Variants in FARP1 observed in about 807,000 individuals in gnomAD.
FARP1 encodes FERM, ARH/RhoGEF and pleckstrin domain protein 1.
In FARP1, 52 loss-of-function variants were observed where a neutral mutation model predicts 128.8. That is an observed-to-expected ratio of 0.40 (90% confidence interval 0.32 to 0.51). The LOEUF is 0.51. Ranked by LOEUF, FARP1 falls within the 20% of genes least tolerant of loss-of-function variation. FARP1 has a pLI of 0.45. For synonymous variants in FARP1, 580 were observed against 551.8 expected, an observed-to-expected ratio of 1.05 and a Z score of -0.72; for missense variants, 1,333 against 1,367.9, an observed-to-expected ratio of 0.97 and a Z score of 0.40.
chr13:98,314,652 G>A (rs1725400475), intron 2 of FARP1, among the ~76,000 whole-genome samples: 1 of 152,144 alleles, frequency 6.6e-6, no homozygotes, highest in African/African-American at 2.4e-5. Flanking sequence ...GTTTGTGGTG[G>A]AATCCTGGGT....
intron 2 of FARP1, among the ~76,000 whole-genome samples, chr13:98,255,560 G>A (rs570647739): frequency 2.0e-5 from 3 of 152,038 alleles, no homozygotes; most frequent in Non-Finnish European, 4.4e-5. Context: ...GTGTTTTGCC[G>A]ATACCTTAAA....
chr13:98,371,013 G>A (rs746155850), intron 5 of FARP1, among the ~76,000 whole-genome samples: 2 of 152,088 alleles, frequency 1.3e-5, no homozygotes, highest in Non-Finnish European at 2.9e-5. Context: ...TTCTCAGGCT[G>A]GTTTTCCTGT....
intron 3 of FARP1, among the ~76,000 whole-genome samples, chr13:98,358,156 T>A (rs1341127534): frequency 2.6e-5 from 4 of 151,752 alleles, no homozygotes; most frequent in Admixed American, 1.3e-4. Flanking sequence ...TTTTTGGGTA[T>A]CTCTCTACTC....
chr13:98,244,672 C>G lies in FARP1; in HGVS notation c.171+31259C>G, dbSNP rs142889072. 6.2e-4 allele frequency: 1,004 copies of G among 1,614,084 alleles called. 8 individuals are homozygous for G. In the African/African-American group the frequency reaches 0.012, roughly 20 times the overall value. On this transcript the variant is annotated intron_variant, in intron 2 of 26. Coordinates refer to ENST00000319562, the MANE Select transcript of FARP1 (RefSeq NM_005766.4). ...AACTGGGCTGGAAGTAGAAGCTTAG[C>G]GGTCACAGTCACTGAAGAGCTTCTT...
intron 17 of FARP1, among the ~76,000 whole-genome samples, chr13:98,425,227 A>G (rs1594521296): frequency 6.6e-6 from 1 of 152,156 alleles, no homozygotes; most frequent in South Asian, 2.1e-4. Flanking sequence ...GATGTGGACA[A>G]ACACTGTCTG....
chr13:98,263,912 C>A lies in FARP1; in HGVS notation c.171+50499C>A, dbSNP rs564312436. On this transcript the variant is annotated intron_variant, in intron 2 of 26. Coordinates refer to ENST00000319562, the MANE Select transcript of FARP1 (RefSeq NM_005766.4). ...TCCAGCTAGTTTGGAAATACAATGA[C>A]TTGTTATAACCGTTGGAGCATCCTT... 2.0e-5 allele frequency among the ~76,000 whole-genome samples: 3 copies of A among 152,284 alleles called. No individual in the cohort carries two copies. In the South Asian group the frequency reaches 6.2e-4, roughly 32 times the overall value.
intron 16 of FARP1, among the ~76,000 whole-genome samples, chr13:98,424,209 T>C (rs1891694522): frequency 6.6e-6 from 1 of 152,208 alleles, no homozygotes; most frequent in South Asian, 2.1e-4. Flanking sequence ...AAGCTACTTA[T>C]TGCAAATGAT....
intron 2 of FARP1, among the ~76,000 whole-genome samples, chr13:98,335,202 T>G (rs1234595003): frequency 1.3e-5 from 2 of 152,206 alleles, no homozygotes; most frequent in Admixed American, 6.5e-5. Context: ...TTGTACATCA[T>G]CGACGGAAGT....
At chr13:98,240,794 C>T (rs1292812599) in intron 2 of FARP1, among the ~76,000 whole-genome samples, 1 of 152,170 alleles carries the variant, frequency 6.6e-6, no homozygotes, top group African/African-American at 2.4e-5. Context: ...GCGTTTTCAT[C>T]GTGAACATCT....
At chr13:98,341,282 G>C (rs575012539) in intron 2 of FARP1, among the ~76,000 whole-genome samples, 11 of 152,112 alleles carry the variant, frequency 7.2e-5, no homozygotes, top group African/African-American at 2.7e-4. Flanking sequence ...CAGTCTCCAG[G>C]GTTACTAATT....
chr13:98,238,932 T>C (rs1594308564), intron 2 of FARP1, among the ~76,000 whole-genome samples: 1 of 152,200 alleles, frequency 6.6e-6, no homozygotes, highest in East Asian at 1.9e-4. Flanking sequence ...GGGCCAGCTG[T>C]ACTTGAGGTA....
intron 1 of FARP1, among the ~76,000 whole-genome samples, chr13:98,167,542 T>C (rs555314085): frequency 1.3e-5 from 2 of 151,846 alleles, no homozygotes; most frequent in South Asian, 4.2e-4. Context: ...CCCTTGTAGC[T>C]GAGATTATAG....
chr13:98,248,583 G>A (rs957396071), intron 2 of FARP1, among the ~76,000 whole-genome samples: 8 of 152,108 alleles, frequency 5.3e-5, no homozygotes, highest in African/African-American at 9.7e-5. Context: ...CATGGATTCC[G>A]TATTTGTGAA....
In FARP1 at chr13:98,455,037, T is replaced by C. The variant is rs540720640; in HGVS notation, c.*6720T>C. 4 of 152,358 alleles carry C rather than the reference T, an allele frequency of 2.6e-5. No homozygotes were observed. Among genetic ancestry groups the C allele is most frequent in the East Asian group, 3.9e-4 (2 of 5,190 alleles). The allele number at this position is 152,358 out of a possible 1,614,324, so 9.4% of individuals were successfully genotyped here. Reference sequence around the variant, plus strand: ...CGATGCCCAGTGAGCACGTAAAATGTGCTGCGTCTGAATGGAGATGTGCTA... The same window carrying C: ...CGATGCCCAGTGAGCACGTAAAATGCGCTGCGTCTGAATGGAGATGTGCTA... On this transcript the variant is annotated 3_prime_UTR_variant, in exon 27 of 27. Transcript: ENST00000319562.
intron 2 of FARP1, chr13:98,340,917 C>A (rs980253580): frequency 2.0e-5 from 3 of 152,138 alleles, no homozygotes; most frequent in African/African-American, 4.8e-5. Context: ...GCTCTCCTGA[C>A]CCATTTCCTC....
At chr13:98,256,371 G>T (rs1883584760) in intron 2 of FARP1, among the ~76,000 whole-genome samples, 1 of 152,122 alleles carries the variant, frequency 6.6e-6, no homozygotes, top group African/African-American at 2.4e-5. Flanking sequence ...AAGAATGGTG[G>T]TTATCAGAGG....
chr13:98,378,061 G>A, intron 6 of FARP1, 143 bp downstream of exon 6: 1 of 637,034 alleles, frequency 1.6e-6, no homozygotes, highest in South Asian at 1.9e-5. Context: ...CCTACGGGTG[G>A]AAGAGAAAAA....
chr13:98,372,591 T>C (rs1310060757), intron 5 of FARP1, among the ~76,000 whole-genome samples: 1 of 152,196 alleles, frequency 6.6e-6, no homozygotes, highest in African/African-American at 2.4e-5. Context: ...TCTCTTAGAC[T>C]GCAGGAGAAT....
intron 2 of FARP1, among the ~76,000 whole-genome samples, chr13:98,278,404 A>T (rs958894166): frequency 4.0e-5 from 6 of 151,702 alleles, no homozygotes; most frequent in Non-Finnish European, 1.5e-5. Flanking sequence ...TATGTGTGTG[A>T]GTGTGCTTGT....
Sources: gnomAD v4.1 joint callset for allele counts (sites outside exome capture counted in the v4.1 genomes callset) on GRCh38, gnomAD v4.1.1 for gene constraint, MANE v1.5 for transcripts, NCBI Gene and HGNC (gene_info 2026-07-23, HGNC 2026-07-21) for gene names.